The following LHFPL3 variants were observed in gnomAD, a reference collection of about 807,000 sequenced individuals.
LHFPL3 encodes the protein LHFPL tetraspan subfamily member 3.
In LHFPL3, 5 loss-of-function variants were observed where a neutral mutation model predicts 19.3. That is an observed-to-expected ratio of 0.26 (90% CI 0.14 to 0.54). The LOEUF (loss-of-function observed/expected upper bound fraction) is 0.54, where lower values mean the gene tolerates loss of function less well. LHFPL3 is among the 20% of genes least tolerant of loss of function. The pLI is 0.94. For synonymous variants in LHFPL3, 133 were observed against 126.2 expected (o/e 1.05, Z -0.36); for missense variants, 249 against 307.4 (o/e 0.81, Z 1.42).
At chr7:104,595,888 C>T (rs1403515126) in intron 1 of LHFPL3, among the ~76,000 whole-genome samples, 2 of 152,250 alleles carry the variant, frequency 1.3e-5, no homozygotes, top group African/African-American at 4.8e-5. Flanking sequence ...AGAGAATCAC[C>T]TTGTCTGCCG....
intron 2 of LHFPL3, chr7:104,800,003 T>A (rs1166789169): frequency 2.6e-5 from 4 of 152,664 alleles, no homozygotes; most frequent in Non-Finnish European, 4.4e-5. Flanking sequence ...TTCTTCCAGG[T>A]GATCTTTCTT....
At chr7:104,798,340 G>A (rs1048088918) in intron 2 of LHFPL3, 2 of 151,980 alleles carry the variant, frequency 1.3e-5, no homozygotes, top group Admixed American at 6.6e-5. Context: ...AAGTTACCTG[G>A]ATCAAAAAAA....
intron 2 of LHFPL3, among the ~76,000 whole-genome samples, chr7:104,865,758 C>T (rs1791708979): frequency 6.6e-6 from 1 of 152,056 alleles, no homozygotes; most frequent in African/African-American, 2.4e-5. Context: ...AGAGCAACTC[C>T]AAGACACATA....
chr7:104,510,583 T>C (rs1793790265), intron 1 of LHFPL3, among the ~76,000 whole-genome samples: 1 of 152,186 alleles, frequency 6.6e-6, no homozygotes, highest in African/African-American at 2.4e-5. Context: ...GTAAAACCTT[T>C]AGAATAAAAT....
chr7:104,340,167 C>G (rs1789918417), intron 1 of LHFPL3, among the ~76,000 whole-genome samples: 1 of 151,958 alleles, frequency 6.6e-6, no homozygotes, highest in Admixed American at 6.6e-5. Flanking sequence ...CTTAATTTTT[C>G]TAAGGCTTGT....
intron 1 of LHFPL3, among the ~76,000 whole-genome samples, chr7:104,645,649 G>GTTTTTT (rs1441748723): frequency 1.7e-5 from 1 of 58,484 alleles, no homozygotes. Flanking sequence ...GCTCTATTGG[G>GTTTTTT]TTTTCTTTTT....
At chr7:104,782,022 C>T (rs924561162) in intron 2 of LHFPL3, among the ~76,000 whole-genome samples, 2 of 152,186 alleles carry the variant, frequency 1.3e-5, no homozygotes, top group South Asian at 2.1e-4. Flanking sequence ...CGTTCTATCA[C>T]GCTTATAATA....
chr7:104,747,876 G>T (rs1227232358), intron 2 of LHFPL3, among the ~76,000 whole-genome samples: 3 of 152,166 alleles, frequency 2.0e-5, no homozygotes, highest in Non-Finnish European at 4.4e-5. Context: ...GTAAGGAACA[G>T]CTCTGTAATC....
At chr7:104,547,554 T>A (rs1416085522) in intron 1 of LHFPL3, among the ~76,000 whole-genome samples, 1 of 152,140 alleles carries the variant, frequency 6.6e-6, no homozygotes. Context: ...TATAAAACTT[T>A]AATATAAAAG....
At chr7:104,786,687 G>GTGTGT in intron 2 of LHFPL3, 1 of 73,098 alleles carries the variant, frequency 1.4e-5, no homozygotes, top group Non-Finnish European at 2.8e-5. Context: ...GTGTGTGTGT[G>GTGTGT]GGGTGTGTGT....
intron 1 of LHFPL3, among the ~76,000 whole-genome samples, chr7:104,681,803 C>T (rs1007788039): frequency 2.0e-5 from 3 of 152,132 alleles, no homozygotes; most frequent in African/African-American, 7.2e-5. Flanking sequence ...AAATATCATC[C>T]TCCGAACCTT....
intron 2 of LHFPL3, among the ~76,000 whole-genome samples, chr7:104,827,196 C>T (rs1790841311): frequency 1.3e-5 from 2 of 152,050 alleles, no homozygotes; most frequent in African/African-American, 2.4e-5. Context: ...GGATCACTGT[C>T]CTGCAGCCAG....
chr7:104,754,019 C>T (rs1794232667), intron 2 of LHFPL3, among the ~76,000 whole-genome samples: 1 of 152,168 alleles, frequency 6.6e-6, no homozygotes, highest in Non-Finnish European at 1.5e-5. Context: ...AAATTTCTCA[C>T]TTGGGCCTTA....
At chr7:104,883,129 A>T (rs1792086963) in intron 2 of LHFPL3, among the ~76,000 whole-genome samples, 1 of 152,254 alleles carries the variant, frequency 6.6e-6, no homozygotes, top group Non-Finnish European at 1.5e-5. Context: ...AAAGAGCTAG[A>T]ATTAAGAGAA....
At chr7:104,738,079 C>CT (rs1185143683) in intron 2 of LHFPL3, among the ~76,000 whole-genome samples, 1 of 152,110 alleles carries the variant, frequency 6.6e-6, no homozygotes, top group Non-Finnish European at 1.5e-5. Context: ...CCACAAACCC[C>CT]TTTTCTCCCT....
chr7:104,640,035 T>G (rs1791802004), intron 1 of LHFPL3, among the ~76,000 whole-genome samples: 1 of 152,190 alleles, frequency 6.6e-6, no homozygotes, highest in African/African-American at 2.4e-5. Context: ...CTCTCCAGCA[T>G]AGTTGAAAAC....
At chr7:104,664,552 G>A (rs1160061293) in intron 1 of LHFPL3, among the ~76,000 whole-genome samples, 1 of 152,084 alleles carries the variant, frequency 6.6e-6, no homozygotes, top group African/African-American at 2.4e-5. Flanking sequence ...TTCCTTTAAA[G>A]GTCCAGATAG....
intron 1 of LHFPL3, among the ~76,000 whole-genome samples, chr7:104,431,110 C>G (rs1010911166): frequency 6.6e-6 from 1 of 152,128 alleles, no homozygotes; most frequent in Non-Finnish European, 1.5e-5. Context: ...TGTTTTTTCT[C>G]TCTCTTTTCC....
At chr7:104,615,256 G>A (rs552866780) in intron 1 of LHFPL3, among the ~76,000 whole-genome samples, 1 of 152,326 alleles carries the variant, frequency 6.6e-6, no homozygotes, top group Admixed American at 6.5e-5. Context: ...TGAGTGGCAT[G>A]TGTCTCTTTA....
Sources: allele counts gnomAD v4.1 joint callset (sites outside exome capture counted in the v4.1 genomes callset), GRCh38; gene constraint gnomAD v4.1.1; transcripts MANE v1.5; gene names NCBI Gene and HGNC (gene_info 2026-07-23, HGNC 2026-07-21).